The following CENPI variants were observed in gnomAD, a reference collection of about 807,000 sequenced individuals.
CENPI encodes FSH primary response 1.
Under a neutral mutation model 60.4 loss-of-function variants are expected in CENPI, and 4 were observed. The observed-to-expected ratio is 0.07, with a 90% CI of 0.03 to 0.15. The LOEUF (loss-of-function observed/expected upper bound fraction) is 0.15. Among genes scored for constraint, CENPI ranks in the 10% least tolerant of loss-of-function variants. The pLI, the probability that CENPI is intolerant of heterozygous loss-of-function variation, is 1.00. For synonymous variants in CENPI, 157 were observed against 189.4 expected, an observed-to-expected ratio of 0.83 and a Z score of 1.40; for missense variants, 444 against 534.5, an observed-to-expected ratio of 0.83 and a Z score of 1.67.
At chrX:101,145,289 A>G (rs1258719136) in intron 17 of CENPI, 90 bp downstream of exon 17, 3 of 729,795 alleles carry the variant, frequency 4.1e-6, no homozygotes, top group African/African-American at 4.2e-5. Flanking sequence ...ACAACCATTA[A>G]GGTGGGCTAT....
At chrX:101,178,398 C>CTTCTTTTTTTTTTTTTTTTTTTT in the CENPI span, among the ~76,000 whole-genome samples, 12 of 39,976 alleles carry the variant, frequency 3.0e-4, 1 homozygote, top group Non-Finnish European at 4.3e-4. Context: ...TTTTCTTCTT[C>CTTCTTTTTTTTTTTTTTTTTTTT]TTTTTTTTTT....
chrX:101,109,142 G>A (rs1488592032), intron 4 of CENPI, among the ~76,000 whole-genome samples: 4 of 95,202 alleles, frequency 4.2e-5, no homozygotes, highest in African/African-American at 7.9e-5. Context: ...AGTGCATGGC[G>A]TGATCTTGGC....
At chrX:101,130,145 C>A in intron 13 of CENPI, 72 bp downstream of exon 13, 1 of 785,730 alleles carries the variant, frequency 1.3e-6, no homozygotes, top group Non-Finnish European at 1.9e-6. Flanking sequence ...CATTGAAAAC[C>A]TTTTCTTGCC....
In CENPI at chrX:101,165,852, GA is replaced by G. The variant is rs1395926034; in HGVS notation, c.*2891del. Among the ~76,000 whole-genome samples the G allele has an allele frequency of 1.8e-5, 2 of 111,562 alleles. No homozygotes were observed. Among genetic ancestry groups the G allele is most frequent in the Non-Finnish European group, 3.8e-5 (2 of 53,076 alleles). ...GTGTGAAATGTTACCTATATACCTG[GA>G]AAAAAGCAACTTCAGCTGCTTTTTA... On this transcript the variant is annotated 3_prime_UTR_variant, in exon 22 of 22. Coordinates refer to ENST00000682095, the MANE Select transcript of CENPI (RefSeq NM_001386188.2).
intron 18 of CENPI, 88 bp downstream of exon 18, chrX:101,146,365 G>T: frequency 1.1e-6 from 1 of 913,939 alleles, no homozygotes. Context: ...ATTCCTACTC[G>T]TCTTCTGCCA....
At chrX:101,117,411 G>T (rs2089635035) in intron 6 of CENPI, among the ~76,000 whole-genome samples, 2 of 111,598 alleles carry the variant, frequency 1.8e-5, no homozygotes, top group East Asian at 2.8e-4. Flanking sequence ...TGTTGGTCAG[G>T]CTGGTCTCAA....
At chrX:101,127,939 G>A (rs6523452) in intron 11 of CENPI, among the ~76,000 whole-genome samples, 34,067 of 110,089 alleles carry the variant, frequency 0.31, 4,188 homozygotes, top group African/African-American at 0.45. Flanking sequence ...GGCTCATGCC[G>A]GTAATCCCAG....
chrX:101,102,826 C>T (rs1331541962), intron 4 of CENPI, among the ~76,000 whole-genome samples: 3 of 102,090 alleles, frequency 2.9e-5, no homozygotes, highest in African/African-American at 3.6e-5. Context: ...ACTACAGGTG[C>T]GTGCCACCAC....
intron 6 of CENPI, among the ~76,000 whole-genome samples, chrX:101,117,255 C>T (rs1467130501): frequency 9.0e-6 from 1 of 111,599 alleles, no homozygotes; most frequent in East Asian, 2.8e-4. Flanking sequence ...GGCTGGAGTG[C>T]GATGGCGCGA....
the CENPI span, among the ~76,000 whole-genome samples, chrX:101,177,489 C>T: frequency 9.0e-6 from 1 of 111,674 alleles, no homozygotes; most frequent in East Asian, 2.8e-4. Flanking sequence ...CTGGGTGGAC[C>T]TGTCCTCAGT....
At chrX:101,121,708 T>C (rs2089680252) in intron 8 of CENPI, among the ~76,000 whole-genome samples, 1 of 110,037 alleles carries the variant, frequency 9.1e-6, no homozygotes. Flanking sequence ...CAGCAAACAT[T>C]GTTTAGGGAG....
chrX:101,164,623 C>G lies in CENPI; in HGVS notation c.*1656C>G, dbSNP rs1440274799. On this transcript the variant is annotated 3_prime_UTR_variant, in exon 22 of 22. Transcript: ENST00000682095. ...TTGGGATTAGAGGTGTGAGCCATTG[C>G]ACCCAGCCCAAAGTACCTGTTTTTA... Among the ~76,000 whole-genome samples the G allele has an allele frequency of 1.8e-5, 2 of 112,052 alleles. No homozygotes were observed. The highest frequency in any genetic ancestry group is 3.8e-5 in the Non-Finnish European group (2 of 53,272).
At chrX:101,108,853 C>T (rs886332680) in intron 4 of CENPI, among the ~76,000 whole-genome samples, 3 of 109,487 alleles carry the variant, frequency 2.7e-5, no homozygotes, top group Non-Finnish European at 3.8e-5. Flanking sequence ...TGTCATGTTG[C>T]CCAGGCTAGT....
Position 101,145,188 on chromosome X carries a change from T to A in CENPI, c.1690T>A (p.Phe564Ile), listed in dbSNP as rs1569503159. ...TTTCTTGCTGCACTTTATTTTGGAT[T>A]TCTATGAGAAGGTAGTACACATTAC... Reference protein sequence around the residue: ...NTFLLHFILDFYEKVCDIYIN... With the variant: ...NTFLLHFILDIYEKVCDIYIN... The change falls in exon 17 of 22, where the codon TTC becomes ATC. Residue 564 changes from phenylalanine (F) to isoleucine (I), a missense_variant. Transcript: ENST00000682095. The A allele has an allele frequency of 8.3e-7, 1 of 1,207,133 alleles. No individual in the cohort carries two copies. Among genetic ancestry groups the A allele is most frequent in the East Asian group, 3.0e-5 (1 of 33,815 alleles).
At chrX:101,171,283 A>T in the CENPI span, among the ~76,000 whole-genome samples, 1 of 104,398 alleles carries the variant, frequency 9.6e-6, no homozygotes, top group Middle Eastern at 5.2e-3. Context: ...ACGGTATAAT[A>T]GTTGAAAAGA....
chrX:101,122,506 G>T (rs751128470), intron 8 of CENPI, among the ~76,000 whole-genome samples: 1 of 111,542 alleles, frequency 9.0e-6, no homozygotes, highest in African/African-American at 3.3e-5. Flanking sequence ...CACATTAATA[G>T]AAATTATGAA....
chrX:101,174,085 C>T, the CENPI span, among the ~76,000 whole-genome samples: 3 of 111,865 alleles, frequency 2.7e-5, no homozygotes, highest in African/African-American at 6.5e-5. Flanking sequence ...ATAAAAAAGT[C>T]GAAAAACAAT....
chrX:101,109,508 A>T lies in CENPI; in HGVS notation c.400A>T (p.Ile134Phe). 5.0e-6 allele frequency: 6 copies of T among 1,210,129 alleles called. No individual in the cohort carries two copies. Among genetic ancestry groups the T allele is most frequent in the Non-Finnish European group, 3.4e-6 (3 of 893,954 alleles). ...AAACACACGGATATTGAAGTGCATG[A>T]TCCCAGCAACAGTAATATCAGAAGA... ...AVNTRILKCM[I>F]PATVISEDSV... The change falls in exon 5 of 22, where the codon ATC (isoleucine) becomes TTC (phenylalanine). Residue 134 changes from isoleucine to phenylalanine, a missense_variant. Coordinates refer to ENST00000682095, the MANE Select transcript of CENPI (RefSeq NM_001386188.2).
intron 20 of CENPI, among the ~76,000 whole-genome samples, chrX:101,151,326 C>T (rs965045720): frequency 5.4e-5 from 6 of 111,454 alleles, no homozygotes; most frequent in African/African-American, 1.6e-4. Context: ...TCTTTGAGAC[C>T]GTGGAAGTAC....
Sources: allele counts gnomAD v4.1 joint callset (sites outside exome capture counted in the v4.1 genomes callset), GRCh38; gene constraint gnomAD v4.1.1; transcripts MANE v1.5; gene names NCBI Gene and HGNC (gene_info 2026-07-23, HGNC 2026-07-21).